SLC6A17: variants seen among roughly 807,000 people sequenced by gnomAD.
The protein encoded by SLC6A17 is sodium-dependent neutral amino acid transporter SLC6A17.
SLC6A17 carries 21 observed loss-of-function variants against 64.5 expected under a neutral mutation model. That is an observed-to-expected ratio of 0.33 (90% CI 0.23 to 0.47). The LOEUF (loss-of-function observed/expected upper bound fraction) is 0.47. SLC6A17 is among the 20% of genes least tolerant of loss of function. SLC6A17 has a pLI of 1.00. For missense variants in SLC6A17, 682 were observed against 963.2 expected, an observed-to-expected ratio of 0.71 and a Z score of 3.86; for synonymous variants, 372 against 399.5, an observed-to-expected ratio of 0.93 and a Z score of 0.82.
Position 110,174,014 on chromosome 1 carries a change from G to A in SLC6A17, c.486G>A (p.Gly162=). The A allele has an allele frequency of 6.2e-7, 1 of 1,614,206 alleles. No homozygotes were observed. The highest frequency in any genetic ancestry group is 1.1e-5 in the South Asian group (1 of 91,076). The change falls in exon 4 of 12, where the codon GGG becomes GGA. Residue 162 remains glycine, a synonymous_variant. Coordinates refer to ENST00000331565, the MANE Select transcript of SLC6A17 (RefSeq NM_001010898.4). The part of the protein sequence containing the change: ...FVGLYYNVII[G]WSIFYFFKSF... ...GGCTGTATTATAATGTGATCATCGG[G>A]TGGAGCATCTTCTATTTCTTCAAGT...
At chr1:110,172,399 A>C in intron 3 of SLC6A17, 182 bp downstream of exon 3, 1 of 761,558 alleles carries the variant, frequency 1.3e-6, no homozygotes, top group Non-Finnish European at 2.0e-6. Flanking sequence ...ATGTTTCCTA[A>C]ACTGAGAGTC....
chr1:110,177,008 T>G (rs1469200521), intron 6 of SLC6A17, among the ~76,000 whole-genome samples: 1 of 152,164 alleles, frequency 6.6e-6, no homozygotes, highest in Non-Finnish European at 1.5e-5. Flanking sequence ...GCAGGTAGGA[T>G]TGCAGTGAGC....
chr1:110,157,881 A>G (rs563440072), intron 1 of SLC6A17, among the ~76,000 whole-genome samples: 1 of 152,120 alleles, frequency 6.6e-6, no homozygotes, highest in Non-Finnish European at 1.5e-5. Flanking sequence ...ATGCTTTCCC[A>G]GGACATCCAC....
intron 1 of SLC6A17, among the ~76,000 whole-genome samples, chr1:110,158,304 G>A (rs891676058): frequency 4.6e-5 from 7 of 152,170 alleles, no homozygotes; most frequent in East Asian, 1.9e-4. Context: ...CATAGAAGTC[G>A]CTGGGCTCTA....
At chr1:110,162,839 A>G (rs1437113506) in intron 1 of SLC6A17, among the ~76,000 whole-genome samples, 3 of 152,030 alleles carry the variant, frequency 2.0e-5, no homozygotes, top group East Asian at 3.9e-4. Flanking sequence ...AGACCAGTAC[A>G]ATGTATCCTC....
At chr1:110,166,618 T>C (rs1414111650) in intron 1 of SLC6A17, among the ~76,000 whole-genome samples, 1 of 152,198 alleles carries the variant, frequency 6.6e-6, no homozygotes, top group Non-Finnish European at 1.5e-5. Context: ...CCTTTAGGTT[T>C]ACTTTTCAAA....
chr1:110,192,408 C>T lies in SLC6A17; in HGVS notation c.1107-98C>T. On this transcript the variant is annotated intron_variant, in intron 7 of 11. Transcript: ENST00000331565. The surrounding 1 kb of genome is among the most constrained non-coding windows in gnomAD (Gnocchi z 4.3). ...CTCAGAGATGCCTCTGTCAGTGACC[C>T]ATGAGGTTCCCACCTGGGTGCCTGG... 1 of 1,487,370 alleles carries T rather than the reference C, an allele frequency of 6.7e-7. No individual in the cohort carries two copies. Among genetic ancestry groups the T allele is most frequent in the Admixed American group, 2.0e-5 (1 of 48,932 alleles). 92.1% of individuals were successfully genotyped at this position (1,487,370 alleles called of 1,614,324 possible). A position where few individuals can be genotyped will look rare whatever the true frequency, so the allele number is the denominator to read the frequency against.
intron 2 of SLC6A17, among the ~76,000 whole-genome samples, chr1:110,167,976 GC>G (rs544590076): frequency 2.0e-5 from 3 of 152,250 alleles, no homozygotes; most frequent in Admixed American, 2.0e-4. Context: ...CCTTCACACT[GC>G]CCCCTAGGCT....
chr1:110,164,047 CT>C (rs1468182201), intron 1 of SLC6A17, among the ~76,000 whole-genome samples: 1 of 152,052 alleles, frequency 6.6e-6, no homozygotes, highest in Non-Finnish European at 1.5e-5. Flanking sequence ...CCATCGATTT[CT>C]TTAGTATCCG....
chr1:110,197,610 G>A lies in SLC6A17; in HGVS notation c.1815+11G>A. On this transcript the variant is annotated intron_variant, in intron 11 of 11. Transcript: ENST00000331565. ...TGGATCAAGGAGGAGGTGAGGGGTGGGGCCCCAAACCCCAGGGACATTTGC... is the reference window on the plus strand; with the variant it reads ...TGGATCAAGGAGGAGGTGAGGGGTGAGGCCCCAAACCCCAGGGACATTTGC... The A allele has an allele frequency of 6.3e-7, 1 of 1,584,008 alleles. No individual in the cohort carries two copies. The highest frequency in any genetic ancestry group is 8.6e-7 in the Non-Finnish European group (1 of 1,167,726).
intron 1 of SLC6A17, among the ~76,000 whole-genome samples, chr1:110,157,640 C>G (rs1022894685): frequency 2.6e-5 from 4 of 152,154 alleles, no homozygotes; most frequent in Middle Eastern, 3.4e-3. Flanking sequence ...TACTCCTCTG[C>G]TTGAAAACCT....
intron 6 of SLC6A17, among the ~76,000 whole-genome samples, chr1:110,189,859 C>A (rs187108496): frequency 9.2e-5 from 14 of 152,336 alleles, no homozygotes; most frequent in Non-Finnish European, 1.2e-4. Flanking sequence ...TTCTGGGAAG[C>A]CTTGCCTGGC....
chr1:110,191,667 G>A (rs1324950418), intron 6 of SLC6A17, among the ~76,000 whole-genome samples: 1 of 152,212 alleles, frequency 6.6e-6, no homozygotes, highest in Non-Finnish European at 1.5e-5. Context: ...CCTTGACGAT[G>A]TTCCTTAGTA....
chr1:110,172,403 G>A, intron 3 of SLC6A17, 186 bp downstream of exon 3: 2 of 735,726 alleles, frequency 2.7e-6, no homozygotes, highest in African/African-American at 1.8e-5. Context: ...TTCCTAAACT[G>A]AGAGTCGACC....
intron 6 of SLC6A17, among the ~76,000 whole-genome samples, chr1:110,184,073 C>T (rs1259855582): frequency 1.3e-5 from 2 of 152,066 alleles, no homozygotes; most frequent in African/African-American, 2.4e-5. Flanking sequence ...ACGCTGTTTC[C>T]GACGATCAGT....
At chr1:110,169,044 T>C (rs1234280735) in intron 2 of SLC6A17, among the ~76,000 whole-genome samples, 2 of 152,236 alleles carry the variant, frequency 1.3e-5, no homozygotes, top group Non-Finnish European at 2.9e-5. Flanking sequence ...TGTTTGTTTT[T>C]TGAGACAGAG....
intron 6 of SLC6A17, among the ~76,000 whole-genome samples, chr1:110,188,650 C>A (rs983533204): frequency 3.3e-5 from 5 of 152,336 alleles, no homozygotes; most frequent in African/African-American, 1.2e-4. Flanking sequence ...CAGCTTCCCA[C>A]CCCATCCCGA....
At chr1:110,159,632 G>A (rs189080400) in intron 1 of SLC6A17, among the ~76,000 whole-genome samples, 1 of 152,302 alleles carries the variant, frequency 6.6e-6, no homozygotes, top group Admixed American at 6.5e-5. Context: ...CCTGAGGTGA[G>A]GATGGATTCT....
At chr1:110,182,234 G>A (rs1656548125) in intron 6 of SLC6A17, among the ~76,000 whole-genome samples, 1 of 152,206 alleles carries the variant, frequency 6.6e-6, no homozygotes. Context: ...AGGAAGAGAG[G>A]AGTCAAGGAT....
Sources: gnomAD v4.1 joint callset for allele counts (sites outside exome capture counted in the v4.1 genomes callset) on GRCh38, gnomAD v4.1.1 for gene constraint, Gnocchi (gnomAD v3.1) non-coding constraint, MANE v1.5 for transcripts, NCBI Gene and HGNC (gene_info 2026-07-23, HGNC 2026-07-21) for gene names.